KRT7: variants seen among roughly 807,000 people sequenced by gnomAD.
KRT7 encodes the protein keratin, type II cytoskeletal 7.
KRT7 carries 50 observed loss-of-function variants against 42.8 expected under a neutral mutation model. The observed-to-expected ratio is 1.17, with a 90% confidence interval of 0.93 to 1.48. KRT7 has a LOEUF of 1.48. Ranked by LOEUF, KRT7 falls within the 40% of genes most tolerant of loss-of-function variation. KRT7 has a pLI of 0.00. For synonymous variants in KRT7, 268 were observed against 266.3 expected (o/e 1.01, Z -0.06); for missense variants, 588 against 637.6 (o/e 0.92, Z 0.84).
At chr12:52,253,252 G>A, downstream of KRT7, 1 of 1,610,962 alleles carries the variant, frequency 6.2e-7, no homozygotes, top group East Asian at 2.2e-5. Flanking sequence ...TCAGCCTCTG[G>A]ATCATGCGGT....
chr12:52,247,999 A>T, intron 7 of KRT7, 178 bp from the exon 8 acceptor site: 1 of 642,074 alleles, frequency 1.6e-6, no homozygotes, highest in Non-Finnish European at 2.8e-6. Flanking sequence ...GGCCAAGGTG[A>T]ACACTCCCTT....
At chr12:52,242,990 A>G (rs1185420905) in intron 5 of KRT7, 22 bp from the exon 6 acceptor site, 16 of 1,599,498 alleles carry the variant, frequency 1.0e-5, no homozygotes, top group Admixed American at 3.5e-5. Flanking sequence ...CTCTGCCATA[A>G]CTCTCTGTAT....
At chr12:52,235,405 G>A (rs201084605) in intron 2 of KRT7, 39 bp downstream of exon 2, 146 of 1,538,128 alleles carry the variant, frequency 9.5e-5, no homozygotes, top group Non-Finnish European at 1.2e-4. Flanking sequence ...CCCCTGCCCC[G>A]GGCCAATGTG....
chr12:52,242,767 A>C (rs1396704050), intron 5 of KRT7, among the ~76,000 whole-genome samples: 2 of 152,120 alleles, frequency 1.3e-5, no homozygotes, highest in African/African-American at 2.4e-5. Context: ...TGGGAGTGGA[A>C]GAGCCCTGGG....
downstream of KRT7, among the ~76,000 whole-genome samples, chr12:52,251,438 T>G (rs1942265510): frequency 6.6e-6 from 1 of 152,256 alleles, no homozygotes; most frequent in African/African-American, 2.4e-5. Context: ...TTTACAAATT[T>G]GTGCTGGGCC....
At chr12:52,243,324 G>C (rs1942120816) in intron 6 of KRT7, 187 bp downstream of exon 6, 1 of 663,000 alleles carries the variant, frequency 1.5e-6, no homozygotes, top group Non-Finnish European at 2.4e-6. Context: ...GGGCTGATGG[G>C]AGAAAGGTCC....
At chr12:52,254,319 C>T (rs772503320), downstream of KRT7, 49 of 980,570 alleles carry the variant, frequency 5.0e-5, no homozygotes, top group Non-Finnish European at 6.5e-5. Context: ...AGGGCCTCCA[C>T]GTTGGCCTCT....
intron 1 of KRT7, 82 bp from the exon 2 acceptor site, chr12:52,235,073 G>T: frequency 7.5e-7 from 1 of 1,333,360 alleles, no homozygotes; most frequent in East Asian, 2.3e-5. Context: ...TCTGCTAAGT[G>T]GCTAAAGATG....
chr12:52,234,466 C>G (rs1026804441), intron 1 of KRT7, among the ~76,000 whole-genome samples: 1 of 152,172 alleles, frequency 6.6e-6, no homozygotes, highest in African/African-American at 2.4e-5. Context: ...ACCCGCCTCC[C>G]TCACGTTCTC....
chr12:52,250,597 C>T, downstream of KRT7: 2 of 1,224,120 alleles, frequency 1.6e-6, no homozygotes, highest in Non-Finnish European at 2.3e-6. Context: ...GAGCCCGACA[C>T]GCACAGGTCC....
intron 5 of KRT7, 118 bp downstream of exon 5, chr12:52,241,754 G>A: frequency 1.2e-6 from 1 of 868,796 alleles, no homozygotes. Context: ...GCAGGCACCA[G>A]TGGTTTAAGT....
chr12:52,255,148 G>A (rs1207298137), downstream of KRT7, among the ~76,000 whole-genome samples: 1 of 152,242 alleles, frequency 6.6e-6, no homozygotes, highest in African/African-American at 2.4e-5. Flanking sequence ...TGCTGCCAGA[G>A]GCACCCAGGG....
chr12:52,255,416 G>A (rs1239301501), downstream of KRT7: 1 of 456,718 alleles, frequency 2.2e-6, no homozygotes, highest in East Asian at 7.0e-5. Context: ...CATACCTGGG[G>A]ACAAAACACA....
downstream of KRT7, chr12:52,254,239 T>C (rs759124217): frequency 2.7e-5 from 20 of 748,530 alleles, 1 homozygote; most frequent in Non-Finnish European, 4.5e-5. Flanking sequence ...CATATCCTCC[T>C]TGCTGCCCCG....
chr12:52,236,783 T>C (rs1319392831), intron 2 of KRT7, among the ~76,000 whole-genome samples: 4 of 152,198 alleles, frequency 2.6e-5, no homozygotes, highest in Non-Finnish European at 5.9e-5. Flanking sequence ...TAAGCCATTG[T>C]GGTCTCTTCC....
intron 6 of KRT7, among the ~76,000 whole-genome samples, chr12:52,244,770 A>G (rs1432108664): frequency 6.6e-6 from 1 of 152,192 alleles, no homozygotes; most frequent in Non-Finnish European, 1.5e-5. Context: ...TGCTCCAGGC[A>G]GGCACAGGTC....
chr12:52,253,727 T>G, downstream of KRT7: 2 of 1,227,642 alleles, frequency 1.6e-6, no homozygotes, highest in Non-Finnish European at 2.3e-6. Flanking sequence ...TGACGACCAC[T>G]GAGGTGTCTG....
rs752585505 is a variant in KRT7 at position 52,243,051 on chromosome 12, G to A, written c.898G>A (p.Asp300Asn). 4 of 1,613,708 alleles carry A rather than the reference G, an allele frequency of 2.5e-6. No homozygotes were observed. In the African/African-American group the frequency reaches 4.0e-5, roughly 16 times the overall value. Residue 300 changes from aspartate (D) to asparagine (N), a missense_variant, in exon 6 of 9, where the codon GAC becomes AAC. Transcript: ENST00000331817. Reference protein sequence around the residue: ...LQAQAGKHGDDLRNTRNEISE... With the variant: ...LQAQAGKHGDNLRNTRNEISE... ...GGCCCAGGCTGGGAAGCATGGGGAC[G>A]ACCTCCGGAATACCCGGAATGAGAT... is the stretch of plus-strand genomic sequence containing the variant.
chr12:52,238,826 G>GATGGCTCCCTGGTTA, intron 4 of KRT7, 51 bp downstream of exon 4: 1 of 1,197,164 alleles, frequency 8.4e-7, no homozygotes, highest in Non-Finnish European at 1.2e-6. Flanking sequence ...ATTCTAACCA[G>GATGGCTCCCTGGTTA]GGAGCCATCT....
Sources: allele counts gnomAD v4.1 joint callset (sites outside exome capture counted in the v4.1 genomes callset), GRCh38; gene constraint gnomAD v4.1.1; transcripts MANE v1.5; gene names NCBI Gene and HGNC (gene_info 2026-07-23, HGNC 2026-07-21).